Variants in PXDN observed in about 807,000 individuals in gnomAD.
PXDN encodes peroxidasin.
A neutral mutation model predicts 140.3 loss-of-function variants in PXDN; 77 were observed. That is an observed-to-expected ratio of 0.55 (90% CI 0.46 to 0.66). The LOEUF (loss-of-function observed/expected upper bound fraction) is 0.66, where lower values mean the gene tolerates loss of function less well. Ranked by LOEUF, PXDN falls within the 30% of genes least tolerant of loss-of-function variation. The pLI, the probability that PXDN is intolerant of heterozygous loss-of-function variation, is 0.00. For missense variants in PXDN, 1,838 were observed against 2,039.5 expected, an observed-to-expected ratio of 0.90 and a Z score of 1.90; for synonymous variants, 911 against 857.4, an observed-to-expected ratio of 1.06 and a Z score of -1.09.
intron 1 of PXDN, among the ~76,000 whole-genome samples, chr2:1,705,626 C>T (rs1684581588): frequency 6.7e-6 from 1 of 148,930 alleles, no homozygotes; most frequent in Admixed American, 6.7e-5. Context: ...ACCTGGGACG[C>T]AGGGTGCAGG....
chr2:1,639,245 G>C lies in PXDN; in HGVS notation c.4073+57C>G, dbSNP rs939711551. The stretch of plus-strand genomic sequence containing the variant: ...CAGCAGGATGCCGGTCCTACTGCCC[G>C]ACGCCCGCGGTGCGAGGGCCCCTCT... On this transcript the variant is annotated intron_variant, in intron 20 of 22. Coordinates refer to ENST00000252804, the MANE Select transcript of PXDN (RefSeq NM_012293.3). This position sits in a 1 kb window ranked among gnomAD's most constrained non-coding sequence, Gnocchi z 5.0. The C allele has an allele frequency of 1.3e-6, 2 of 1,568,332 alleles. No individual in the cohort carries two copies. Among genetic ancestry groups the C allele is most frequent in the African/African-American group, 2.7e-5 (2 of 73,760 alleles).
chr2:1,634,149 G>A lies in PXDN; in HGVS notation c.*55C>T. The A allele has an allele frequency of 6.5e-7, 1 of 1,543,308 alleles. No homozygotes were observed. On this transcript the variant is annotated 3_prime_UTR_variant, in exon 23 of 23. Transcript: ENST00000252804. ...TGCAGTCCGCAGCTCCCTGCCATCG[G>A]CCACCCGATCTCACGATGGCACAGC...
At chr2:1,693,456 G>A (rs1036019736) in intron 1 of PXDN, among the ~76,000 whole-genome samples, 5 of 152,186 alleles carry the variant, frequency 3.3e-5, no homozygotes, top group African/African-American at 1.2e-4. Context: ...AATAAACACA[G>A]GTTAGGTTTG....
At position 1,649,262 on chromosome 2, in the gene PXDN, G is replaced by A. The variant is rs1174345004; in HGVS notation, c.2518C>T (p.Arg840Cys). The change falls in exon 17 of 23, where the codon CGC becomes TGC. Residue 840 changes from arginine (R) to cysteine (C), a missense_variant. Around this residue, in one of 5 missense-constraint regions of PXDN, gnomAD observed 850 missense variants for 894.1 expected, o/e 0.95. Transcript: ENST00000252804. The surrounding 1 kb of genome is among the most constrained non-coding windows in gnomAD (Gnocchi z 7.1). ...DSTVVALSQARFSDGQHCSNV... is the reference protein window; with the variant it reads ...DSTVVALSQACFSDGQHCSNV... ...CTGCAGTGCTGTCCGTCGGAGAAGCGTGCCTGGCTCAGGGCCACCACCGTG... is the reference window on the plus strand; with the variant it reads ...CTGCAGTGCTGTCCGTCGGAGAAGCATGCCTGGCTCAGGGCCACCACCGTG... 4.3e-6 allele frequency: 7 copies of A among 1,613,068 alleles called. No homozygotes were observed. The highest frequency in any genetic ancestry group is 4.2e-6 in the Non-Finnish European group (5 of 1,179,768).
At chr2:1,726,729 T>C (rs537947735) in intron 1 of PXDN, among the ~76,000 whole-genome samples, 208 of 152,360 alleles carry the variant, frequency 1.4e-3, no homozygotes, top group African/African-American at 4.7e-3. Context: ...TGCAAATATT[T>C]ATCTCCCAAC....
Position 1,744,248 on chromosome 2 carries a change from G to A in PXDN, c.200+8C>T. 2 of 1,485,598 alleles carry A rather than the reference G, an allele frequency of 1.3e-6. No homozygotes were observed. Among genetic ancestry groups the A allele is most frequent in the Non-Finnish European group, 1.8e-6 (2 of 1,121,546 alleles). The allele number at this position is 1,485,598 out of a possible 1,614,324, so 92.0% of individuals were successfully genotyped here. A position where few individuals can be genotyped will look rare whatever the true frequency, so the allele number is the denominator to read the frequency against. On this transcript the variant is annotated splice_region_variant and intron_variant, in intron 1 of 22. Coordinates refer to ENST00000252804, the MANE Select transcript of PXDN (RefSeq NM_012293.3). ...CCCCGCGCCCCCGGCGTCCCCCGCG[G>A]CACTCACAGGATGGAGGTCTGCGGC...
At chr2:1,691,462 A>G (rs974894064) in intron 3 of PXDN, among the ~76,000 whole-genome samples, 3 of 152,258 alleles carry the variant, frequency 2.0e-5, no homozygotes, top group African/African-American at 7.2e-5. Context: ...ACTTAGCGGG[A>G]GACAGGAAAA....
intron 1 of PXDN, 120 bp from the exon 2 acceptor site, chr2:1,693,254 C>T: frequency 1.4e-6 from 1 of 730,640 alleles, no homozygotes; most frequent in Non-Finnish European, 2.2e-6. Flanking sequence ...CCACCCAGTT[C>T]ACTCCTTCAA....
At chr2:1,733,489 C>G (rs1285536436) in intron 1 of PXDN, among the ~76,000 whole-genome samples, 1 of 152,138 alleles carries the variant, frequency 6.6e-6, no homozygotes, top group Admixed American at 6.5e-5. Flanking sequence ...CGCATATAAT[C>G]CCAGCACTTT....
chr2:1,734,529 G>A (rs988397785), intron 1 of PXDN, among the ~76,000 whole-genome samples: 5 of 152,104 alleles, frequency 3.3e-5, no homozygotes, highest in African/African-American at 1.2e-4. Context: ...TGTAGTATGC[G>A]ATGCTGTTTC....
At chr2:1,637,688 C>CAGCTGCACGGGATGAGGGGG (rs1682601869) in intron 21 of PXDN, among the ~76,000 whole-genome samples, 8 of 127,586 alleles carry the variant, frequency 6.3e-5, no homozygotes, top group Non-Finnish European at 6.7e-5. Flanking sequence ...GGAGGACCTG[C>CAGCTGCACGGGATGAGGGGG]CACACGCTGT....
At chr2:1,647,989 C>G (rs532751554) in intron 17 of PXDN, among the ~76,000 whole-genome samples, 183 bp downstream of exon 17, 326 of 152,282 alleles carry the variant, frequency 2.1e-3, no homozygotes, top group Non-Finnish European at 4.0e-3. Context: ...GCCCCCTCCC[C>G]ACAACCACGC....
intron 1 of PXDN, among the ~76,000 whole-genome samples, chr2:1,719,436 C>A (rs1301993909): frequency 6.6e-6 from 1 of 152,200 alleles, no homozygotes; most frequent in Non-Finnish European, 1.5e-5. Context: ...CTTGAGGGTA[C>A]ATGGAACCTA....
At chr2:1,638,022 T>TCAGCA (rs1682616037) in intron 21 of PXDN, among the ~76,000 whole-genome samples, 1 of 152,158 alleles carries the variant, frequency 6.6e-6, no homozygotes, top group African/African-American at 2.4e-5. Flanking sequence ...ACAGGAGTAG[T>TCAGCA]CAGGGTACCT....
chr2:1,716,721 C>CT (rs1194009759), intron 1 of PXDN, among the ~76,000 whole-genome samples: 1 of 152,140 alleles, frequency 6.6e-6, no homozygotes, highest in Non-Finnish European at 1.5e-5. Context: ...GCCTTATGCC[C>CT]TGGTGGTACC....
intron 9 of PXDN, among the ~76,000 whole-genome samples, chr2:1,670,760 T>C (rs77057800): frequency 0.015 from 2,291 of 152,222 alleles, 61 homozygotes; most frequent in African/African-American, 0.053. Context: ...CACAGGCCCA[T>C]GAAGAGAAGT....
At position 1,685,338 on chromosome 2, in the gene PXDN, G is replaced by A. The variant is rs79471677; in HGVS notation, c.417-1187C>T. 0.039 allele frequency among the ~76,000 whole-genome samples: 5,873 copies of A among 152,340 alleles called. 368 individuals are homozygous for A. The highest frequency in any genetic ancestry group is 0.13 in the African/African-American group (5,534 of 41,572). ...GAAGACAAGGAAAACCGCCGTGGGC[G>A]AGCATGACGGGCGGGCACCTGACGC... On this transcript the variant is annotated intron_variant, in intron 4 of 22. Coordinates refer to ENST00000252804, the MANE Select transcript of PXDN (RefSeq NM_012293.3). The surrounding 1 kb of genome is among the most constrained non-coding windows in gnomAD (Gnocchi z 5.1).
At chr2:1,670,932 G>A (rs546252326) in intron 9 of PXDN, among the ~76,000 whole-genome samples, 42 of 152,256 alleles carry the variant, frequency 2.8e-4, no homozygotes, top group East Asian at 2.5e-3. Flanking sequence ...CGGTCCTCAC[G>A]TGAACTTGCT....
At chr2:1,704,806 G>A (rs1283067879) in intron 1 of PXDN, among the ~76,000 whole-genome samples, 1 of 152,140 alleles carries the variant, frequency 6.6e-6, no homozygotes, top group Non-Finnish European at 1.5e-5. Context: ...GGGTGGCTTT[G>A]AATACAATGG....
Sources: allele counts gnomAD v4.1 joint callset (sites outside exome capture counted in the v4.1 genomes callset), GRCh38; gene constraint gnomAD v4.1.1; regional missense constraint gnomAD v4.1.1; non-coding constraint Gnocchi (gnomAD v3.1); transcripts MANE v1.5; gene names NCBI Gene and HGNC (gene_info 2026-07-23, HGNC 2026-07-21).